FGF14: variants seen among roughly 807,000 people sequenced by gnomAD.
FGF14 encodes the protein fibroblast growth factor 14.
In FGF14, 5 loss-of-function variants were observed where a neutral mutation model predicts 25.5. The observed-to-expected ratio is 0.20, with a 90% CI of 0.10 to 0.41. FGF14 has a LOEUF of 0.41. FGF14 is among the 10% of genes least tolerant of loss of function. FGF14 has a pLI of 1.00. For synonymous variants in FGF14, 138 were observed against 118.3 expected, an observed-to-expected ratio of 1.17 and a Z score of -1.08; for missense variants, 222 against 320.1, an observed-to-expected ratio of 0.69 and a Z score of 2.34.
intron 1 of FGF14, among the ~76,000 whole-genome samples, chr13:101,905,000 T>G (rs2032056932): frequency 6.6e-6 from 1 of 152,224 alleles, no homozygotes; most frequent in Non-Finnish European, 1.5e-5. Context: ...TCAATCTTGC[T>G]TCACCCTCTT....
chr13:102,159,144 A>AT (rs1011817423), intron 1 of FGF14, among the ~76,000 whole-genome samples: 1 of 149,092 alleles, frequency 6.7e-6, no homozygotes, highest in African/African-American at 2.5e-5. Context: ...TGTCTCAAAA[A>AT]AAAAAAAAAA....
intron 1 of FGF14, among the ~76,000 whole-genome samples, chr13:102,038,891 C>T (rs958346862): frequency 2.6e-5 from 4 of 151,890 alleles, no homozygotes; most frequent in Middle Eastern, 3.2e-3. Flanking sequence ...TTTCCTGTCC[C>T]ATAAATACTA....
At chr13:102,181,161 A>G (rs1455016549) in intron 1 of FGF14, among the ~76,000 whole-genome samples, 5 of 152,154 alleles carry the variant, frequency 3.3e-5, no homozygotes, top group Admixed American at 3.3e-4. Context: ...TTGAATCTCA[A>G]TTAAACAGAA....
intron 1 of FGF14, among the ~76,000 whole-genome samples, chr13:102,329,884 T>C (rs1249625529): frequency 6.6e-6 from 1 of 152,184 alleles, no homozygotes; most frequent in African/African-American, 2.4e-5. Flanking sequence ...TTCATAATTA[T>C]TAGCTCTTTA....
intron 1 of FGF14, among the ~76,000 whole-genome samples, chr13:102,013,863 C>T (rs184263513): frequency 8.5e-5 from 13 of 152,182 alleles, no homozygotes; most frequent in Admixed American, 1.3e-4. Flanking sequence ...GATGACAGGA[C>T]TTGCTTAGAG....
intron 1 of FGF14, among the ~76,000 whole-genome samples, chr13:102,172,146 C>T (rs910958594): frequency 2.0e-5 from 3 of 151,924 alleles, no homozygotes; most frequent in African/African-American, 7.3e-5. Flanking sequence ...ACCTTTTAAA[C>T]TTAAACCTGT....
At chr13:101,885,887 C>A (rs564471391) in intron 1 of FGF14, among the ~76,000 whole-genome samples, 263 of 152,298 alleles carry the variant, frequency 1.7e-3, no homozygotes, top group Non-Finnish European at 2.7e-3. Flanking sequence ...ACCTAACTAT[C>A]ATATTCCCAT....
Position 101,712,567 on chromosome 13 carries a change from C to T in FGF14, c.*10264G>A, listed in dbSNP as rs1249920302. ...TGGGTGTATATATGAATATTATGGG[C>T]ATATAAAATCAGCACTACTTTAGAA... On this transcript the variant is annotated 3_prime_UTR_variant, in exon 5 of 5. Coordinates refer to ENST00000376143, the MANE Select transcript of FGF14 (RefSeq NM_004115.4). The T allele has an allele frequency of 6.6e-6, 1 of 152,096 alleles. No homozygotes were observed. The highest frequency in any genetic ancestry group is 1.5e-5 in the Non-Finnish European group (1 of 68,026). The allele number at this position is 152,096 out of a possible 1,614,324, so 9.4% of individuals were successfully genotyped here. A position where few individuals can be genotyped will look rare whatever the true frequency, so the allele number is the denominator to read the frequency against.
At chr13:101,818,363 G>C (rs563547228) in intron 3 of FGF14, among the ~76,000 whole-genome samples, 3 of 152,244 alleles carry the variant, frequency 2.0e-5, no homozygotes, top group Non-Finnish European at 4.4e-5. Context: ...ACTTGAGCTT[G>C]GATGCTGCCA....
intron 1 of FGF14, among the ~76,000 whole-genome samples, chr13:102,271,427 G>A (rs773729377): frequency 6.6e-6 from 1 of 151,936 alleles, no homozygotes; most frequent in Admixed American, 6.6e-5. Flanking sequence ...TCTGAGCCAC[G>A]CACCTCCATT....
At chr13:102,315,345 A>AG (rs2055970105) in intron 1 of FGF14, among the ~76,000 whole-genome samples, 1 of 152,146 alleles carries the variant, frequency 6.6e-6, no homozygotes, top group Non-Finnish European at 1.5e-5. Flanking sequence ...GCACCCCTTC[A>AG]GGGGACAGTA....
intron 1 of FGF14, among the ~76,000 whole-genome samples, chr13:101,949,694 T>C (rs1428361551): frequency 6.6e-6 from 1 of 152,184 alleles, no homozygotes; most frequent in African/African-American, 2.4e-5. Flanking sequence ...AAAGAAGAGT[T>C]AGTAAAATAT....
chr13:101,966,088 C>T (rs2037175038), intron 1 of FGF14, among the ~76,000 whole-genome samples: 2 of 152,264 alleles, frequency 1.3e-5, no homozygotes, highest in South Asian at 4.1e-4. Context: ...GAATTGTGCC[C>T]ACTCCCTAAA....
intron 1 of FGF14, among the ~76,000 whole-genome samples, chr13:102,297,370 G>C (rs1482536475): frequency 6.6e-6 from 1 of 152,050 alleles, no homozygotes; most frequent in Admixed American, 6.6e-5. Flanking sequence ...TGGAAAACTG[G>C]AACAGGAAAA....
rs370683665 is a variant in FGF14 at position 101,867,889 on chromosome 13, GACACACACACACACACACAC to G, written c.408+816_408+835del. On this transcript the variant is annotated intron_variant, in intron 3 of 4. Coordinates refer to ENST00000376143, the MANE Select transcript of FGF14 (RefSeq NM_004115.4). ...CCCCCTGGAGAATGTTTCTGTTTAA[GACACACACACACACACACAC>G]ACACACACACACACACACACACACA... Among the ~76,000 whole-genome samples, 142 of 140,680 alleles carry G rather than the reference GACACACACACACACACACAC, an allele frequency of 1.0e-3. 1 individual carries two copies. Among genetic ancestry groups the G allele is most frequent in the African/African-American group, 3.5e-3 (133 of 37,894 alleles). 92.3% of individuals were successfully genotyped at this position (140,680 alleles called of 152,430 possible).
intron 1 of FGF14, among the ~76,000 whole-genome samples, chr13:101,963,595 T>C (rs921093856): frequency 4.6e-5 from 7 of 152,228 alleles, no homozygotes; most frequent in Non-Finnish European, 1.0e-4. Context: ...CATAAATGCA[T>C]GAGCTCCTGA....
At chr13:102,263,248 G>T in intron 1 of FGF14, 1 of 379,660 alleles carries the variant, frequency 2.6e-6, no homozygotes, top group Non-Finnish European at 5.1e-6. Context: ...GGCAGAGAAA[G>T]GACGATTTAT....
At chr13:101,922,908 AT>A (rs1309669859) in intron 1 of FGF14, among the ~76,000 whole-genome samples, 1 of 152,002 alleles carries the variant, frequency 6.6e-6, no homozygotes, top group Non-Finnish European at 1.5e-5. Context: ...TATATATTAA[AT>A]TCTATCATGT....
intron 1 of FGF14, among the ~76,000 whole-genome samples, chr13:102,075,755 G>A (rs1294438764): frequency 6.6e-6 from 1 of 152,188 alleles, no homozygotes; most frequent in African/African-American, 2.4e-5. Context: ...ACAGTTCCAT[G>A]CGTGTGATTG....
Sources: allele counts gnomAD v4.1 joint callset (sites outside exome capture counted in the v4.1 genomes callset), GRCh38; gene constraint gnomAD v4.1.1; transcripts MANE v1.5; gene names NCBI Gene and HGNC (gene_info 2026-07-23, HGNC 2026-07-21).